The following RUNX1T1 variants were observed in gnomAD, a reference collection of about 807,000 sequenced individuals.
RUNX1T1 encodes the protein RUNX1 partner transcriptional co-repressor 1.
In RUNX1T1, 4 loss-of-function variants were observed where a neutral mutation model predicts 62.8. The ratio of observed to expected loss-of-function variants is 0.06; its 90% CI spans 0.03 to 0.15. The LOEUF (loss-of-function observed/expected upper bound fraction) is 0.15, where lower values mean the gene tolerates loss of function less well. Among genes scored for constraint, RUNX1T1 ranks in the 10% least tolerant of loss-of-function variants. The pLI, the probability that RUNX1T1 is intolerant of heterozygous loss-of-function variation, is 1.00. For synonymous variants in RUNX1T1, 291 were observed against 286.0 expected (o/e 1.02, Z -0.18); for missense variants, 508 against 754.3 (o/e 0.67, Z 3.82).
downstream of RUNX1T1, chr8:91,957,053 AAAGAGT>A (rs1461831232): frequency 1.1e-4 from 24 of 218,066 alleles, no homozygotes; most frequent in Non-Finnish European, 1.8e-4. Context: ...GAGAAAGAGA[AAAGAGT>A]AAGAGACAGA....
chr8:91,960,050 G>C (rs555798355), exon 11 of RUNX1T1: 2 of 609,448 alleles, frequency 3.3e-6, no homozygotes, highest in African/African-American at 3.7e-5. Flanking sequence ...AAGTCATTAC[G>C]ACCCGTTACT....
chr8:92,014,525 C>A (rs1822620341), intron 3 of RUNX1T1, 54 bp downstream of exon 4: 2 of 1,499,040 alleles, frequency 1.3e-6, no homozygotes, highest in African/African-American at 2.8e-5. Flanking sequence ...TCTGAGTCTC[C>A]CACCCACACT....
chr8:92,100,781 A>G (rs1436829527), upstream of RUNX1T1, among the ~76,000 whole-genome samples: 10 of 152,254 alleles, frequency 6.6e-5, no homozygotes, highest in Admixed American at 5.9e-4. Context: ...GACTTTAAGG[A>G]TAAAAGAGAG....
At chr8:92,102,435 A>G (rs1838081733), upstream of RUNX1T1, among the ~76,000 whole-genome samples, 1 of 151,866 alleles carries the variant, frequency 6.6e-6, no homozygotes, top group Non-Finnish European at 1.5e-5. This position sits in a 1 kb window ranked among gnomAD's most constrained non-coding sequence, Gnocchi z 4.5. Context: ...AAAAAAAAAA[A>G]AAGAAAGGAA....
intron 4 of RUNX1T1, among the ~76,000 whole-genome samples, chr8:92,007,186 G>C (rs1221121806): frequency 6.6e-6 from 1 of 152,128 alleles, no homozygotes; most frequent in African/African-American, 2.4e-5. Context: ...CCTGGGCTGG[G>C]TGTAGTGGCT....
upstream of RUNX1T1, among the ~76,000 whole-genome samples, chr8:92,066,408 G>A (rs1406975303): frequency 6.6e-6 from 1 of 152,184 alleles, no homozygotes; most frequent in Non-Finnish European, 1.5e-5. Context: ...ATAAAATGGA[G>A]GCATTAGCTC....
intron 1 of RUNX1T1, among the ~76,000 whole-genome samples, chr8:92,054,582 G>T (rs921346587): frequency 6.6e-6 from 1 of 152,202 alleles, no homozygotes; most frequent in African/African-American, 2.4e-5. Flanking sequence ...GTAAATGGAA[G>T]AGCACTGATT....
chr8:91,991,828 A>C (rs749408595), exon 6 of RUNX1T1: 2 of 1,614,118 alleles, frequency 1.2e-6, no homozygotes, highest in East Asian at 2.2e-5. Flanking sequence ...CTAATAGTGC[A>C]TGGTCGCTTG....
At chr8:92,102,481 T>A (rs1018741410), upstream of RUNX1T1, among the ~76,000 whole-genome samples, 5 of 151,516 alleles carry the variant, frequency 3.3e-5, no homozygotes, top group Non-Finnish European at 4.4e-5. The surrounding 1 kb of genome is among the most constrained non-coding windows in gnomAD (Gnocchi z 4.5). Flanking sequence ...TAGGGCCACC[T>A]GCCAAATGCA....
intron 1 of RUNX1T1, among the ~76,000 whole-genome samples, chr8:92,050,647 T>G (rs924451260): frequency 6.6e-6 from 1 of 152,212 alleles, no homozygotes; most frequent in Non-Finnish European, 1.5e-5. Context: ...TTACTGATCT[T>G]AAAACTCATG....
At chr8:91,996,190 AT>A (rs1361081512) in intron 5 of RUNX1T1, among the ~76,000 whole-genome samples, 5 of 148,844 alleles carry the variant, frequency 3.4e-5, no homozygotes, top group South Asian at 2.1e-4. Context: ...TTTGTTTTTT[AT>A]TTTTTTTATT....
chr8:92,061,240 G>A lies in RUNX1T1; in HGVS notation c.7+1306C>T, dbSNP rs111505962. The stretch of plus-strand genomic sequence containing the variant: ...GCTGATAAATCAGATCATTTAACAC[G>A]TTTATTAACAGCATAAAAAAGATCT... On this transcript the variant is annotated intron_variant, in intron 1 of 10. Transcript: ENST00000396218. 3.4e-3 allele frequency among the ~76,000 whole-genome samples: 510 copies of A among 152,156 alleles called. 1 individual carries two copies. Among genetic ancestry groups the A allele is most frequent in the Non-Finnish European group, 5.6e-3 (384 of 67,998 alleles).
At chr8:91,980,484 A>G (rs1314366832) in intron 8 of RUNX1T1, among the ~76,000 whole-genome samples, 1 of 152,218 alleles carries the variant, frequency 6.6e-6, no homozygotes, top group Non-Finnish European at 1.5e-5. Flanking sequence ...CAGATTTACT[A>G]CATTTAAGAC....
intron 4 of RUNX1T1, chr8:92,005,904 A>C (rs1820672968): frequency 6.6e-6 from 1 of 152,178 alleles, no homozygotes; most frequent in Non-Finnish European, 1.5e-5. Context: ...CCCAGATGGA[A>C]TTAATGCATA....
intron 3 of RUNX1T1, 100 bp downstream of exon 4, chr8:92,014,479 T>C (rs1202868885): frequency 8.1e-6 from 9 of 1,115,654 alleles, no homozygotes; most frequent in South Asian, 1.7e-5. Context: ...GTAGAAACTA[T>C]TATAACAAAA....
chr8:92,017,642 G>C lies in RUNX1T1; in HGVS notation c.8-279C>G, dbSNP rs554896239. 42 of 1,302,376 alleles carry C rather than the reference G, an allele frequency of 3.2e-5. No homozygotes were observed. The South Asian group carries it at 6.3e-4, about 19-fold the overall frequency. 80.7% of individuals were successfully genotyped at this position (1,302,376 alleles called of 1,614,324 possible). ...TGCTACCTTGGTAGTGTTATATGCA[G>C]CAGCACAACTGCACTGGAAGCTGAA... On this transcript the variant is annotated intron_variant, in intron 1 of 10. Transcript: ENST00000396218.
At chr8:91,975,160 T>C (rs1813649282) in intron 9 of RUNX1T1, among the ~76,000 whole-genome samples, 1 of 152,154 alleles carries the variant, frequency 6.6e-6, no homozygotes, top group Admixed American at 6.5e-5. Flanking sequence ...CCTGAGTTGG[T>C]TTTCATAAAG....
upstream of RUNX1T1, chr8:92,102,751 C>T (rs1009228406): frequency 5.8e-5 from 69 of 1,199,782 alleles, no homozygotes; most frequent in Non-Finnish European, 7.4e-5. This position sits in a 1 kb window ranked among gnomAD's most constrained non-coding sequence, Gnocchi z 4.5. Context: ...GCCTCGCGGT[C>T]GAATAATCCA....
intron 1 of RUNX1T1, among the ~76,000 whole-genome samples, chr8:92,098,792 C>A (rs1167432890): frequency 6.6e-6 from 1 of 152,188 alleles, no homozygotes; most frequent in Non-Finnish European, 1.5e-5. Flanking sequence ...CAGACAGGTG[C>A]AAACCCTTCT....
Sources: allele counts gnomAD v4.1 joint callset (sites outside exome capture counted in the v4.1 genomes callset), GRCh38; gene constraint gnomAD v4.1.1; non-coding constraint Gnocchi (gnomAD v3.1); transcripts MANE v1.5; gene names NCBI Gene and HGNC (gene_info 2026-07-23, HGNC 2026-07-21).